UNC13C: variants seen among roughly 807,000 people sequenced by gnomAD.
UNC13C encodes protein unc-13 homolog C.
UNC13C carries 174 observed loss-of-function variants against 245.4 expected under a neutral mutation model. The observed-to-expected ratio is 0.71, with a 90% CI of 0.63 to 0.80. The LOEUF is 0.80. Ranked by LOEUF, UNC13C falls within the 30% of genes least tolerant of loss-of-function variation. The probability of loss-of-function intolerance (pLI) is 0.00; values close to 1 mark genes in which losing one functional copy is unlikely to be tolerated. For missense variants in UNC13C, 2,829 were observed against 2,602.9 expected, an observed-to-expected ratio of 1.09 and a Z score of -1.89; for synonymous variants, 992 against 895.1, an observed-to-expected ratio of 1.11 and a Z score of -1.93.
intron 29 of UNC13C, among the ~76,000 whole-genome samples, chr15:54,558,611 A>T (rs1897180149): frequency 6.6e-6 from 1 of 152,064 alleles, no homozygotes; most frequent in African/African-American, 2.4e-5. Flanking sequence ...TAAAACTTTA[A>T]TTGGACTGGA....
At chr15:53,905,433 A>ACACACACAG in the UNC13C span, among the ~76,000 whole-genome samples, 7 of 115,860 alleles carry the variant, frequency 6.0e-5, no homozygotes, top group East Asian at 4.5e-4. Context: ...CACACACACA[A>ACACACACAG]TGGAATATTG....
At chr15:54,086,737 C>CTTTTTTTTTTTTCTTTTTTTT in intron 2 of UNC13C, among the ~76,000 whole-genome samples, 1 of 92,012 alleles carries the variant, frequency 1.1e-5, no homozygotes, top group East Asian at 3.5e-4. Flanking sequence ...TATTTTCTTT[C>CTTTTTTTTTTTTCTTTTTTTT]TTTTTTTTTT....
intron 25 of UNC13C, among the ~76,000 whole-genome samples, chr15:54,525,947 A>G (rs1028389820): frequency 3.9e-5 from 6 of 152,176 alleles, no homozygotes; most frequent in Admixed American, 2.6e-4. Context: ...ATGCAGTTCT[A>G]GTGTTTAGAG....
chr15:54,422,696 C>T (rs902886364), intron 19 of UNC13C, among the ~76,000 whole-genome samples: 3 of 151,782 alleles, frequency 2.0e-5, no homozygotes, highest in Admixed American at 6.6e-5. Context: ...GGCTCCTTTC[C>T]ATTCTTCAAG....
At chr15:53,858,763 G>A in the UNC13C span, among the ~76,000 whole-genome samples, 1 of 152,020 alleles carries the variant, frequency 6.6e-6, no homozygotes, top group East Asian at 1.9e-4. Context: ...TTTATCTGTG[G>A]CCTAATGGCT....
chr15:54,519,557 T>C (rs948984691), intron 24 of UNC13C, among the ~76,000 whole-genome samples: 1 of 152,126 alleles, frequency 6.6e-6, no homozygotes, highest in Non-Finnish European at 1.5e-5. Context: ...ACCCAGAAGT[T>C]AGAAACATGA....
intron 19 of UNC13C, among the ~76,000 whole-genome samples, chr15:54,418,404 A>T (rs1379298124): frequency 2.0e-5 from 3 of 152,130 alleles, no homozygotes; most frequent in East Asian, 3.9e-4. Context: ...ATCAGGGAGA[A>T]TAGACGTTGA....
chr15:54,392,792 A>G (rs2039985074), intron 17 of UNC13C, among the ~76,000 whole-genome samples: 1 of 151,984 alleles, frequency 6.6e-6, no homozygotes, highest in African/African-American at 2.4e-5. Context: ...CCAGAACAAC[A>G]ACAACAGCAA....
chr15:54,020,850 C>CT lies in UNC13C; in HGVS notation c.2983+4973dup, dbSNP rs374137523. Among the ~76,000 whole-genome samples the CT allele has an allele frequency of 1.9e-4, 28 of 150,986 alleles. No homozygotes were observed. The Middle Eastern group carries it at 0.01, about 55-fold the overall frequency. On this transcript the variant is annotated intron_variant, in intron 2 of 32. Coordinates refer to ENST00000260323, the MANE Select transcript of UNC13C (RefSeq NM_001080534.3). ...CCACATTTTATCTGACAACTTGGGG[C>CT]TTTTTTTTTGTTTGTTTTTGGTAAA...
intron 24 of UNC13C, among the ~76,000 whole-genome samples, chr15:54,512,713 A>G (rs1894805700): frequency 6.6e-6 from 1 of 152,162 alleles, no homozygotes; most frequent in African/African-American, 2.4e-5. Context: ...ATTCCTTTAC[A>G]TTGTTCCTTC....
chr15:54,488,588 C>A (rs981320499), intron 19 of UNC13C, among the ~76,000 whole-genome samples: 2 of 152,000 alleles, frequency 1.3e-5, no homozygotes, highest in Non-Finnish European at 2.9e-5. Context: ...CATAATTGTA[C>A]ACTATACAGA....
At chr15:54,132,036 A>T (rs1430467790) in intron 2 of UNC13C, among the ~76,000 whole-genome samples, 2 of 131,948 alleles carry the variant, frequency 1.5e-5, no homozygotes, top group Non-Finnish European at 3.2e-5. Context: ...CATCCTTATG[A>T]TACTGAACTG....
intron 30 of UNC13C, among the ~76,000 whole-genome samples, chr15:54,595,566 C>T (rs1899034815): frequency 6.6e-6 from 1 of 152,184 alleles, no homozygotes; most frequent in African/African-American, 2.4e-5. Context: ...TGGCTGCAAT[C>T]TAGTCCTGCC....
chr15:54,567,675 C>A (rs1285931804), intron 29 of UNC13C, 125 bp from the exon 30 acceptor site: 10 of 874,952 alleles, frequency 1.1e-5, no homozygotes, highest in Non-Finnish European at 1.6e-5. Flanking sequence ...AATGATGGAA[C>A]CATTTTTTTG....
In UNC13C at chr15:54,193,250, A is replaced by G. The variant is rs566090782; in HGVS notation, c.3072-41780A>G. On this transcript the variant is annotated intron_variant, in intron 4 of 32. Coordinates refer to ENST00000260323, the MANE Select transcript of UNC13C (RefSeq NM_001080534.3). ...AAGAGTCGTTACATATCTCCTTATG[A>G]ATCATAAATTCACCCTCAATTACTA... Among the ~76,000 whole-genome samples, 12 of 152,264 alleles carry G rather than the reference A, an allele frequency of 7.9e-5. No homozygotes were observed. The South Asian group carries it at 2.5e-3, about 32-fold the overall frequency.
At chr15:54,315,366 C>T (rs538262604) in intron 13 of UNC13C, among the ~76,000 whole-genome samples, 1 of 151,402 alleles carries the variant, frequency 6.6e-6, no homozygotes, top group East Asian at 2.0e-4. Context: ...TCTTTTCTGT[C>T]CTATTTTATA....
At chr15:54,083,182 G>A (rs1018276556) in intron 2 of UNC13C, among the ~76,000 whole-genome samples, 5 of 152,126 alleles carry the variant, frequency 3.3e-5, no homozygotes, top group Non-Finnish European at 5.9e-5. Flanking sequence ...GTCCTGAGCA[G>A]CCAGGAACAC....
intron 2 of UNC13C, among the ~76,000 whole-genome samples, chr15:54,062,567 A>G (rs755840135): frequency 2.3e-4 from 35 of 152,328 alleles, no homozygotes; most frequent in South Asian, 6.2e-4. Context: ...TGTTGAGTGT[A>G]TAACTTCTAC....
chr15:53,908,282 C>T, the UNC13C span, among the ~76,000 whole-genome samples: 3 of 146,244 alleles, frequency 2.1e-5, 1 homozygote, highest in South Asian at 2.3e-4. Context: ...CTTACAGAGA[C>T]TTGCATTTTA....
Sources: allele counts gnomAD v4.1 joint callset (sites outside exome capture counted in the v4.1 genomes callset), GRCh38; gene constraint gnomAD v4.1.1; transcripts MANE v1.5; gene names NCBI Gene and HGNC (gene_info 2026-07-23, HGNC 2026-07-21).